Variants in GOSR2 observed in about 807,000 individuals in gnomAD.
GOSR2 encodes the protein 27 kDa Golgi SNARE protein.
GOSR2 carries 20 observed loss-of-function variants against 27.9 expected under a neutral mutation model. The observed-to-expected ratio is 0.72, with a 90% CI of 0.50 to 1.04. The LOEUF is 1.04. GOSR2 is among the 50% of genes least tolerant of loss of function. The pLI is 0.00. For synonymous variants in GOSR2, 91 were observed against 98.8 expected (o/e 0.92, Z 0.47); for missense variants, 261 against 270.5 (o/e 0.97, Z 0.25).
downstream of GOSR2, among the ~76,000 whole-genome samples, chr17:46,945,150 G>A (rs1413063866): frequency 6.6e-6 from 1 of 152,218 alleles, no homozygotes; most frequent in Non-Finnish European, 1.5e-5. Flanking sequence ...GGGAGCAGTC[G>A]AGGGGCAGGA....
At chr17:46,958,044 C>T (rs190203253) in intron 6 of GOSR2, among the ~76,000 whole-genome samples, 20 of 152,306 alleles carry the variant, frequency 1.3e-4, no homozygotes, top group Non-Finnish European at 2.9e-5. Flanking sequence ...GTCTTTGCTG[C>T]CAAATGTCAC....
chr17:46,935,693 C>T (rs901659263), intron 5 of GOSR2: 4 of 987,870 alleles, frequency 4.0e-6, no homozygotes, highest in African/African-American at 3.5e-5. Context: ...TTCTAAAGCC[C>T]GTGCTGGTGA....
chr17:46,970,052 G>C (rs1466969874), downstream of GOSR2, among the ~76,000 whole-genome samples: 2 of 152,206 alleles, frequency 1.3e-5, no homozygotes, highest in Non-Finnish European at 2.9e-5. Context: ...TTTCTCATCT[G>C]TAAAATGACG....
chr17:46,963,302 T>C (rs1376312188), intron 6 of GOSR2, among the ~76,000 whole-genome samples: 2 of 152,184 alleles, frequency 1.3e-5, no homozygotes, highest in Non-Finnish European at 2.9e-5. Flanking sequence ...CCCAGCACTT[T>C]GGGAGGCCAA....
chr17:46,947,925 C>T (rs1032356208), intron 6 of GOSR2, among the ~76,000 whole-genome samples: 18 of 152,182 alleles, frequency 1.2e-4, no homozygotes, highest in African/African-American at 4.1e-4. Flanking sequence ...TGTGCCACCA[C>T]GCCTGGCTAA....
At chr17:46,935,488 A>G (rs2146982274) in intron 5 of GOSR2, 2 of 1,359,002 alleles carry the variant, frequency 1.5e-6, no homozygotes, top group Non-Finnish European at 1.9e-6. Context: ...ATTGTGTTAC[A>G]GAATCTACTC....
chr17:46,931,747 T>A, intron 3 of GOSR2: 1 of 417,032 alleles, frequency 2.4e-6, no homozygotes, highest in Non-Finnish European at 4.4e-6. Context: ...AGGAGAGCCA[T>A]ATAATCCATA....
chr17:46,934,068 G>C (rs1228080991), intron 4 of GOSR2, among the ~76,000 whole-genome samples: 1 of 152,194 alleles, frequency 6.6e-6, no homozygotes, highest in Admixed American at 6.5e-5. Context: ...TCCACTTTCA[G>C]AGCAAAAGTA....
At chr17:46,935,794 A>G (rs1455524679) in intron 5 of GOSR2, 2 of 986,736 alleles carry the variant, frequency 2.0e-6, no homozygotes, top group Non-Finnish European at 2.4e-6. Flanking sequence ...GGAGTGGTTT[A>G]CAGAAACATT....
chr17:46,946,456 C>T (rs1208598168), downstream of GOSR2, among the ~76,000 whole-genome samples: 8 of 109,178 alleles, frequency 7.3e-5, no homozygotes, highest in African/African-American at 1.3e-4. Context: ...AGCAAAACTC[C>T]GTCTCAAAAA....
downstream of GOSR2, among the ~76,000 whole-genome samples, chr17:46,945,767 A>G (rs1372025944): frequency 6.6e-6 from 1 of 152,140 alleles, no homozygotes; most frequent in African/African-American, 2.4e-5. Flanking sequence ...GCAGAAGCTC[A>G]GGGAGTGGGG....
At chr17:46,925,109 C>G (rs1194176180) in intron 1 of GOSR2, among the ~76,000 whole-genome samples, 1 of 152,140 alleles carries the variant, frequency 6.6e-6, no homozygotes, top group Non-Finnish European at 1.5e-5. Context: ...CACCCTTGGA[C>G]TCTAGCAGCT....
At chr17:46,966,704 G>A (rs781157748) in exon 7 of GOSR2, 8 of 493,396 alleles carry the variant, frequency 1.6e-5, no homozygotes, top group Non-Finnish European at 2.5e-5. Context: ...TCAACTATTA[G>A]CTGTGATTTC....
intron 1 of GOSR2, 140 bp from the exon 2 acceptor site, chr17:46,929,380 G>A (rs2086963974): frequency 1.4e-6 from 1 of 696,070 alleles, no homozygotes; most frequent in Non-Finnish European, 2.6e-6. Context: ...GGGACCTAAA[G>A]TGCCACATAC....
downstream of GOSR2, among the ~76,000 whole-genome samples, chr17:46,969,945 G>A (rs1221154508): frequency 2.6e-5 from 4 of 152,148 alleles, no homozygotes; most frequent in Non-Finnish European, 4.4e-5. Context: ...GGTGATGTGC[G>A]GGGTGGGGGA....
At chr17:46,944,624 T>TC (rs1315554319), downstream of GOSR2, among the ~76,000 whole-genome samples, 2 of 140,808 alleles carry the variant, frequency 1.4e-5, no homozygotes, top group African/African-American at 2.6e-5. Context: ...TTTTTTTTTT[T>TC]CCTCTCATTC....
intron 1 of GOSR2, among the ~76,000 whole-genome samples, chr17:46,928,085 G>T (rs1249865279): frequency 1.3e-5 from 2 of 151,776 alleles, no homozygotes; most frequent in African/African-American, 4.8e-5. Flanking sequence ...CCACACCCCC[G>T]CATCATCCCA....
downstream of GOSR2, among the ~76,000 whole-genome samples, chr17:46,969,980 A>C (rs59390416): frequency 0.02 from 3,071 of 152,294 alleles, 87 homozygotes; most frequent in Admixed American, 0.072. Context: ...CTGTGCAAGC[A>C]GACACCGGGG....
chr17:46,956,944 C>T (rs573713239), intron 6 of GOSR2, among the ~76,000 whole-genome samples: 4 of 152,174 alleles, frequency 2.6e-5, no homozygotes, highest in Non-Finnish European at 5.9e-5. Flanking sequence ...GAAAGCCACA[C>T]AAGAAGGAAA....
Sources: allele counts gnomAD v4.1 joint callset (sites outside exome capture counted in the v4.1 genomes callset), GRCh38; gene constraint gnomAD v4.1.1; transcripts MANE v1.5; gene names NCBI Gene and HGNC (gene_info 2026-07-23, HGNC 2026-07-21).